The following VHL variants were observed in gnomAD, a reference collection of about 807,000 sequenced individuals.
VHL encodes the protein von Hippel-Lindau disease tumor suppressor.
VHL carries 10 observed loss-of-function variants against 19.2 expected under a neutral mutation model. The ratio of observed to expected loss-of-function variants is 0.52; its 90% confidence interval spans 0.32 to 0.89. The LOEUF is 0.89. Ranked by LOEUF, VHL falls within the 40% of genes least tolerant of loss-of-function variation. VHL has a pLI of 0.03. For missense variants in VHL, 328 were observed against 292.7 expected (o/e 1.12, Z -0.88); for synonymous variants, 167 against 129.5 (o/e 1.29, Z -1.97).
chr3:10,146,766 A>T lies in VHL; in HGVS notation c.463+130A>T, dbSNP rs147014327. 329 of 1,166,122 alleles carry T rather than the reference A, an allele frequency of 2.8e-4. No individual in the cohort carries two copies. In the African/African-American group the frequency reaches 4.2e-3, roughly 15 times the overall value. 72.2% of individuals were successfully genotyped at this position (1,166,122 alleles called of 1,614,324 possible). A position where few individuals can be genotyped will look rare whatever the true frequency, so the allele number is the denominator to read the frequency against. On this transcript the variant is annotated intron_variant, in intron 2 of 2. Transcript: ENST00000256474. The stretch of plus-strand genomic sequence containing the variant: ...ACGTTATCCAATCTTTTTGTATCCT[A>T]TTCTCTACCATAAATAAAATGGAAG...
chr3:10,146,501 C>G lies in VHL; in HGVS notation c.341-13C>G, dbSNP rs1696259940. The G allele has an allele frequency of 6.2e-7, 1 of 1,613,264 alleles. No homozygotes were observed. The highest frequency in any genetic ancestry group is 8.5e-7 in the Non-Finnish European group (1 of 1,179,434). ...CGGTGTGGCTCTTTAACAACCTTTG[C>G]TTGTCCCGATAGGTCACCTTTGGCT... is the stretch of plus-strand genomic sequence containing the variant. On this transcript the variant is annotated splice_polypyrimidine_tract_variant and intron_variant, in intron 1 of 2. Transcript: ENST00000256474.
At chr3:10,146,224 A>G (rs1410476476) in intron 1 of VHL, among the ~76,000 whole-genome samples, 3 of 140,188 alleles carry the variant, frequency 2.1e-5, no homozygotes, top group Admixed American at 7.6e-5. Context: ...CCCAGGCTGG[A>G]GTGCAGTGGC....
chr3:10,149,703 A>G, intron 2 of VHL, 84 bp from the exon 3 acceptor site: 1 of 1,152,176 alleles, frequency 8.7e-7, no homozygotes, highest in East Asian at 2.4e-5. Context: ...TCAGTAGTAC[A>G]GGTAGTTGTT....
rs71052299 is a variant in VHL, at chr3:10,152,481, C to CTTTTTTTTTTT, written c.*2535_*2545dup. Among the ~76,000 whole-genome samples the CTTTTTTTTTTT allele has an allele frequency of 1.6e-5, 1 of 64,514 alleles. No individual in the cohort carries two copies. The highest frequency in any genetic ancestry group is 6.4e-5 in the African/African-American group (1 of 15,584). 42.3% of individuals were successfully genotyped at this position (64,514 alleles called of 152,430 possible). A position where few individuals can be genotyped will look rare whatever the true frequency, so the allele number is the denominator to read the frequency against. ...CTCCTTTCAACATTCAACAAATAGT[C>CTTTTTTTTTTT]TTTTTTTTTTTTTTTTTTTTTTTTT... is the stretch of plus-strand genomic sequence containing the variant. On this transcript the variant is annotated 3_prime_UTR_variant, in exon 3 of 3. Coordinates refer to ENST00000256474, the MANE Select transcript of VHL (RefSeq NM_000551.4).
chr3:10,142,441 G>A, intron 1 of VHL: 1 of 516,636 alleles, frequency 1.9e-6, no homozygotes, highest in South Asian at 2.3e-5. Flanking sequence ...CGCCTCCCGG[G>A]TTCAAGCGAT....
At chr3:10,143,032 C>T (rs1260208157) in intron 1 of VHL, 3 of 152,116 alleles carry the variant, frequency 2.0e-5, no homozygotes, top group South Asian at 2.1e-4. Flanking sequence ...GTAAGAGGTT[C>T]TAGACATGCG....
Position 10,150,360 on chromosome 3 carries a change from G to A in VHL, c.*395G>A. 1 of 1,227,642 alleles carries A rather than the reference G, an allele frequency of 8.1e-7. No homozygotes were observed. Among genetic ancestry groups the A allele is most frequent in the Non-Finnish European group, 1.0e-6 (1 of 972,876 alleles). 76.0% of individuals were successfully genotyped at this position (1,227,642 alleles called of 1,614,324 possible). On this transcript the variant is annotated 3_prime_UTR_variant, in exon 3 of 3. Coordinates refer to ENST00000256474, the MANE Select transcript of VHL (RefSeq NM_000551.4). ...ATAATACATCCATTCTACATCCGTA[G>A]CGGTTGGTGACTTGTCTGCCTCCTG...
rs1250098348 is a variant in VHL, at chr3:10,150,006, G to T, written c.*41G>T. The T allele has an allele frequency of 3.8e-6, 6 of 1,591,406 alleles. No homozygotes were observed. The African/African-American group carries it at 6.7e-5, about 18-fold the overall frequency. The stretch of plus-strand genomic sequence containing the variant: ...CTTACACTGTTTCATCTCAGCTTTT[G>T]ATGGTACTGATGAGTCTTGATCTAG... On this transcript the variant is annotated 3_prime_UTR_variant, in exon 3 of 3. Transcript: ENST00000256474.
intron 1 of VHL, 118 bp from the exon 2 acceptor site, chr3:10,146,396 G>T: frequency 7.3e-7 from 1 of 1,373,522 alleles, no homozygotes; most frequent in Non-Finnish European, 1.0e-6. Flanking sequence ...GGACGGTCTT[G>T]ATCTCCTGAC....
chr3:10,150,339 T>TA lies in VHL; in HGVS notation c.*375dup, dbSNP rs1210753655. 1 of 1,253,362 alleles carries TA rather than the reference T, an allele frequency of 8.0e-7. No homozygotes were observed. Among genetic ancestry groups the TA allele is most frequent in the Non-Finnish European group, 1.0e-6 (1 of 986,038 alleles). The allele number at this position is 1,253,362 out of a possible 1,614,324, so 77.6% of individuals were successfully genotyped here. ...GCATCTGCTTTTAATGGATGTATAA[T>TA]ACATCCATTCTACATCCGTAGCGGT... On this transcript the variant is annotated 3_prime_UTR_variant, in exon 3 of 3. Transcript: ENST00000256474.
chr3:10,142,204 T>G lies in VHL; in HGVS notation c.340+17T>G. 1 of 1,594,704 alleles carries G rather than the reference T, an allele frequency of 6.3e-7. No individual in the cohort carries two copies. On this transcript the variant is annotated intron_variant, in intron 1 of 2. Coordinates refer to ENST00000256474, the MANE Select transcript of VHL (RefSeq NM_000551.4). ...GCTACCGAGGTACGGGCCCGGCGCT[T>G]AGGCCCGACCCAGCAGGGACGATAG...
At chr3:10,142,224 C>G (rs746101911) in intron 1 of VHL, 37 bp downstream of exon 1, 1 of 1,582,286 alleles carries the variant, frequency 6.3e-7, no homozygotes, top group Non-Finnish European at 8.5e-7. Context: ...CCAGCAGGGA[C>G]GATAGCACGG....
intron 1 of VHL, chr3:10,142,401 A>G: frequency 1.7e-6 from 1 of 575,230 alleles, no homozygotes; most frequent in Non-Finnish European, 2.9e-6. Flanking sequence ...GCTGGAGTGC[A>G]GTGGCGCGAT....
rs886057703 is a variant in VHL at position 10,141,858 on chromosome 3, G to T, written c.11G>T (p.Arg4Met). 6.5e-7 allele frequency: 1 copy of T among 1,535,942 alleles called. No individual in the cohort carries two copies. The highest frequency in any genetic ancestry group is 8.8e-7 in the Non-Finnish European group (1 of 1,139,794). ...TGGATCGCGGAGGGAATGCCCCGGAGGGCGGAGAACTGGGACGAGGCCGAG... is the reference window on the plus strand; with the variant it reads ...TGGATCGCGGAGGGAATGCCCCGGATGGCGGAGAACTGGGACGAGGCCGAG... MPRRAENWDEAEVG... is the reference protein window; with the variant it reads MPRMAENWDEAEVG... The change falls in exon 1 of 3, where the codon AGG (arginine) becomes ATG (methionine). Residue 4 changes from arginine (R) to methionine (M), a missense_variant. Transcript: ENST00000256474.
chr3:10,148,712 T>C (rs527524417), intron 2 of VHL, among the ~76,000 whole-genome samples: 1 of 146,110 alleles, frequency 6.8e-6, no homozygotes, highest in African/African-American at 2.6e-5. Flanking sequence ...AGAGTCTCAC[T>C]GTGTCACCCA....
At position 10,141,826 on chromosome 3, in the gene VHL, G is replaced by T; in HGVS notation, c.-22G>T. On this transcript the variant is annotated 5_prime_UTR_variant, in exon 1 of 3. Transcript: ENST00000256474. ...CGCGGATCCCGCGGCGTCCGGCCCG[G>T]GTGGTCTGGATCGCGGAGGGAATGC... The T allele has an allele frequency of 1.3e-6, 2 of 1,537,008 alleles. No homozygotes were observed. The highest frequency in any genetic ancestry group is 1.8e-6 in the Non-Finnish European group (2 of 1,141,572).
intron 1 of VHL, among the ~76,000 whole-genome samples, chr3:10,144,481 GTCTC>G (rs796876776): frequency 1.4e-5 from 2 of 143,150 alleles, no homozygotes; most frequent in Admixed American, 1.5e-4. Flanking sequence ...GCAAGACCCT[GTCTC>G]TCTATCTTGT....
chr3:10,150,271 C>G lies in VHL; in HGVS notation c.*306C>G. 1.5e-6 allele frequency: 2 copies of G among 1,293,914 alleles called. No individual in the cohort carries two copies. Among genetic ancestry groups the G allele is most frequent in the Non-Finnish European group, 2.0e-6 (2 of 1,009,986 alleles). 80.2% of individuals were successfully genotyped at this position (1,293,914 alleles called of 1,614,324 possible). A position where few individuals can be genotyped will look rare whatever the true frequency, so the allele number is the denominator to read the frequency against. ...TGTAAGGAGGTTTGTATAAGTAATT[C>G]AGTGGGAATTGCAGCATATCGTTTA... On this transcript the variant is annotated 3_prime_UTR_variant, in exon 3 of 3. Transcript: ENST00000256474.
In VHL at chr3:10,151,087, C is replaced by T; in HGVS notation, c.*1122C>T. ...TAGAGACAGTGTTTCGTCATGTTGG[C>T]CAGGCTGGTTTCAAACTCCTGACCT... On this transcript the variant is annotated 3_prime_UTR_variant, in exon 3 of 3. Transcript: ENST00000256474. 1 of 185,176 alleles carries T rather than the reference C, an allele frequency of 5.4e-6. No individual in the cohort carries two copies. Among genetic ancestry groups the T allele is most frequent in the Non-Finnish European group, 1.1e-5 (1 of 87,518 alleles). 11.5% of individuals were successfully genotyped at this position (185,176 alleles called of 1,614,324 possible). A position where few individuals can be genotyped will look rare whatever the true frequency, so the allele number is the denominator to read the frequency against.
Sources: allele counts gnomAD v4.1 joint callset (sites outside exome capture counted in the v4.1 genomes callset), GRCh38; gene constraint gnomAD v4.1.1; transcripts MANE v1.5; gene names NCBI Gene and HGNC (gene_info 2026-07-23, HGNC 2026-07-21).